The following MACROD2 variants were observed in gnomAD, a reference collection of about 807,000 sequenced individuals.
MACROD2 encodes the protein ADP-ribose glycohydrolase MACROD2.
A neutral mutation model predicts 70.4 loss-of-function variants in MACROD2; 36 were observed. The ratio of observed to expected loss-of-function variants is 0.51; its 90% confidence interval spans 0.39 to 0.68. MACROD2 has a LOEUF of 0.68. Among genes scored for constraint, MACROD2 ranks in the 30% least tolerant of loss-of-function variants. The pLI, the probability that MACROD2 is intolerant of heterozygous loss-of-function variation, is 0.00. For synonymous variants in MACROD2, 172 were observed against 178.8 expected (o/e 0.96, Z 0.30); for missense variants, 496 against 538.4 (o/e 0.92, Z 0.78).
chr20:14,635,545 C>A (rs1984743696), intron 4 of MACROD2, among the ~76,000 whole-genome samples: 1 of 152,058 alleles, frequency 6.6e-6, no homozygotes, highest in South Asian at 2.1e-4. Flanking sequence ...GTAAAAAATG[C>A]AACATAAAAT....
intron 4 of MACROD2, chr20:14,627,193 C>T (rs769910121): frequency 2.6e-5 from 4 of 152,152 alleles, no homozygotes; most frequent in East Asian, 1.9e-4. Flanking sequence ...TGTACCACCT[C>T]GATATCCCCT....
In MACROD2 at chr20:14,686,162, T is replaced by A. The variant is rs1379868228; in HGVS notation, c.418+1203T>A. ...CATATATGGCGGTGGTCCTATAAGA[T>A]TATAATACAGATTGAGTATTCCTTA... On this transcript the variant is annotated intron_variant, in intron 5 of 17. Transcript: ENST00000684519. 2.6e-5 allele frequency among the ~76,000 whole-genome samples: 4 copies of A among 152,154 alleles called. 1 individual carries two copies. The highest frequency in any genetic ancestry group is 2.6e-4 in the Admixed American group (4 of 15,262).
intron 3 of MACROD2, among the ~76,000 whole-genome samples, chr20:14,174,032 T>C (rs2148726205): frequency 6.6e-6 from 1 of 152,136 alleles, no homozygotes; most frequent in East Asian, 1.9e-4. Context: ...TTCCAAGGGA[T>C]TGAAGTGGAC....
chr20:15,689,370 C>T (rs149086132), intron 8 of MACROD2, among the ~76,000 whole-genome samples: 1 of 151,032 alleles, frequency 6.6e-6, no homozygotes, highest in East Asian at 1.9e-4. Context: ...TGGAGTCACA[C>T]AATAAATCTG....
chr20:14,906,355 G>A (rs907950099), intron 5 of MACROD2, among the ~76,000 whole-genome samples: 7 of 152,104 alleles, frequency 4.6e-5, no homozygotes, highest in Non-Finnish European at 7.4e-5. Flanking sequence ...TTAGCTGGGC[G>A]TAGTGGCGCA....
intron 8 of MACROD2, among the ~76,000 whole-genome samples, chr20:15,636,639 C>T (rs907192805): frequency 7.2e-5 from 11 of 152,138 alleles, no homozygotes; most frequent in Middle Eastern, 3.4e-3. Context: ...TTCAGGATTT[C>T]GTGGCCAGTG....
chr20:15,014,877 C>G (rs1188721521), intron 5 of MACROD2, among the ~76,000 whole-genome samples: 1 of 151,982 alleles, frequency 6.6e-6, no homozygotes, highest in Non-Finnish European at 1.5e-5. Flanking sequence ...TGATGTTGTC[C>G]ATAAGCTTTT....
intron 8 of MACROD2, among the ~76,000 whole-genome samples, chr20:15,589,641 T>A (rs1385009511): frequency 1.3e-5 from 2 of 152,226 alleles, no homozygotes; most frequent in African/African-American, 4.8e-5. Context: ...TACACAGTAG[T>A]TTCACTGCCC....
At chr20:15,499,237 C>G (rs1199223756) in intron 7 of MACROD2, among the ~76,000 whole-genome samples, 4 of 152,202 alleles carry the variant, frequency 2.6e-5, no homozygotes, top group Non-Finnish European at 4.4e-5. Context: ...CATGCTGTCT[C>G]AATTCCAAGC....
intron 8 of MACROD2, among the ~76,000 whole-genome samples, chr20:15,704,537 A>G (rs1199418048): frequency 6.6e-6 from 1 of 152,220 alleles, no homozygotes; most frequent in African/African-American, 2.4e-5. Context: ...CCAGAGCAGT[A>G]CTACTCAAAC....
At chr20:15,789,523 G>A (rs958809340) in intron 8 of MACROD2, among the ~76,000 whole-genome samples, 2 of 152,054 alleles carry the variant, frequency 1.3e-5, no homozygotes, top group Non-Finnish European at 2.9e-5. Context: ...ATTCTAAAAT[G>A]AGTTCCCAAA....
intron 10 of MACROD2, among the ~76,000 whole-genome samples, chr20:15,931,732 A>G (rs1183900418): frequency 6.6e-6 from 1 of 151,536 alleles, no homozygotes; most frequent in Non-Finnish European, 1.5e-5. Context: ...ACGTATATTT[A>G]TTAACTGCAT....
rs776750395 is a variant in MACROD2, at chr20:14,233,197, A to G, written c.271+147469A>G. 2.7e-4 allele frequency among the ~76,000 whole-genome samples: 41 copies of G among 152,158 alleles called. 1 individual carries two copies. Among genetic ancestry groups the G allele is most frequent in the Admixed American group, 5.2e-4 (8 of 15,284 alleles). ...GATCACCATAAGAGATAAAATAATA[A>G]TGGAAATGTCTGAAATGTAAGAATC... On this transcript the variant is annotated intron_variant, in intron 3 of 17. Transcript: ENST00000684519.
At chr20:14,341,509 C>T (rs552873239) in intron 3 of MACROD2, among the ~76,000 whole-genome samples, 12 of 152,162 alleles carry the variant, frequency 7.9e-5, no homozygotes, top group Non-Finnish European at 1.5e-4. Flanking sequence ...CGTGGTGGCA[C>T]GTGCCTGTAA....
intron 5 of MACROD2, among the ~76,000 whole-genome samples, chr20:14,805,350 T>A (rs1568805733): frequency 6.6e-6 from 1 of 152,050 alleles, no homozygotes; most frequent in Non-Finnish European, 1.5e-5. Flanking sequence ...CCTCTGGCAA[T>A]GATTTGGCTG....
chr20:15,152,128 G>A (rs1423613859), intron 5 of MACROD2, among the ~76,000 whole-genome samples: 1 of 152,026 alleles, frequency 6.6e-6, no homozygotes, highest in Non-Finnish European at 1.5e-5. Flanking sequence ...TTTAGATCTT[G>A]TAGGATGGAA....
chr20:15,734,496 T>C (rs1162312616), intron 8 of MACROD2, among the ~76,000 whole-genome samples: 1 of 152,144 alleles, frequency 6.6e-6, no homozygotes, highest in East Asian at 1.9e-4. Context: ...CACTAGAAGA[T>C]TTCATGTGAT....
At chr20:14,490,931 A>C (rs1394981915) in intron 3 of MACROD2, among the ~76,000 whole-genome samples, 3 of 152,184 alleles carry the variant, frequency 2.0e-5, no homozygotes, top group Non-Finnish European at 4.4e-5. Context: ...CTATTATAAA[A>C]CATGTCTTGA....
chr20:15,843,749 A>G (rs2064199671), intron 8 of MACROD2, among the ~76,000 whole-genome samples: 1 of 152,234 alleles, frequency 6.6e-6, no homozygotes, highest in Admixed American at 6.5e-5. Context: ...CATTATGTGC[A>G]TGATCAGAAA....
Sources: gnomAD v4.1 joint callset for allele counts (sites outside exome capture counted in the v4.1 genomes callset) on GRCh38, gnomAD v4.1.1 for gene constraint, MANE v1.5 for transcripts, NCBI Gene and HGNC (gene_info 2026-07-23, HGNC 2026-07-21) for gene names.